PSD3: variants seen among roughly 807,000 people sequenced by gnomAD.
PSD3 encodes pleckstrin and Sec7 domain containing 3, also known as PH and SEC7 domain-containing protein 3.
PSD3 carries 49 observed loss-of-function variants against 105.5 expected under a neutral mutation model. The ratio of observed to expected loss-of-function variants is 0.46; its 90% CI spans 0.37 to 0.59. The LOEUF is 0.59. Ranked by LOEUF, PSD3 falls within the 20% of genes least tolerant of loss-of-function variation. PSD3 has a pLI of 0.00. For missense variants in PSD3, 1,561 were observed against 1,263.8 expected, an observed-to-expected ratio of 1.24 and a Z score of -3.57; for synonymous variants, 557 against 457.8, an observed-to-expected ratio of 1.22 and a Z score of -2.77.
In PSD3 at chr8:18,652,885, T is replaced by C. The variant is rs762800588; in HGVS notation, c.2216+2757A>G. 3.2e-4 allele frequency among the ~76,000 whole-genome samples: 49 copies of C among 152,168 alleles called. 1 individual carries two copies. The highest frequency in any genetic ancestry group is 1.2e-4 in the Non-Finnish European group (8 of 68,040). On this transcript the variant is annotated intron_variant, in intron 10 of 15. Coordinates refer to ENST00000327040, the MANE Select transcript of PSD3 (RefSeq NM_015310.4). ...TCTAAATAAAAAGCACCAGTTTTAG[T>C]AGATGTTAAAAGGTGCTTTAAGACA...
intron 12 of PSD3, among the ~76,000 whole-genome samples, chr8:18,596,481 A>T (rs1009435913): frequency 2.0e-5 from 3 of 152,008 alleles, no homozygotes; most frequent in African/African-American, 7.2e-5. Context: ...GAGAAATGAA[A>T]ATCTAATCAA....
chr8:18,578,064 T>C (rs1802570621), intron 12 of PSD3, among the ~76,000 whole-genome samples: 1 of 152,108 alleles, frequency 6.6e-6, no homozygotes, highest in Non-Finnish European at 1.5e-5. Flanking sequence ...TGTCTGGAGA[T>C]GCTATTCTAC....
chr8:18,750,735 C>G (rs1468347334), intron 9 of PSD3, among the ~76,000 whole-genome samples: 1 of 151,998 alleles, frequency 6.6e-6, no homozygotes, highest in South Asian at 2.1e-4. Context: ...AGGTTCTCCA[C>G]GTCCCCATCA....
At chr8:18,710,374 G>C (rs1802177838) in intron 9 of PSD3, among the ~76,000 whole-genome samples, 1 of 152,094 alleles carries the variant, frequency 6.6e-6, no homozygotes, top group South Asian at 2.1e-4. Context: ...ACTGATTGGG[G>C]TACCTGAAAG....
intron 1 of PSD3, among the ~76,000 whole-genome samples, chr8:19,081,097 A>T (rs561219463): frequency 5.3e-5 from 8 of 152,138 alleles, no homozygotes; most frequent in African/African-American, 1.9e-4. Context: ...GGCCTGGGAG[A>T]TGGTTAGGGC....
At chr8:18,819,599 G>C (rs1334108152) in intron 4 of PSD3, among the ~76,000 whole-genome samples, 2 of 35,030 alleles carry the variant, frequency 5.7e-5, no homozygotes, top group Non-Finnish European at 1.1e-4. Context: ...TTTTTTTTGA[G>C]ATGGAGTCTC....
intron 1 of PSD3, among the ~76,000 whole-genome samples, chr8:19,069,699 G>C (rs1829190690): frequency 6.6e-6 from 1 of 152,142 alleles, no homozygotes; most frequent in Admixed American, 6.5e-5. Context: ...CAACTAAAGA[G>C]TACAAAGAAA....
chr8:18,866,399 C>T (rs1816935232), intron 4 of PSD3, among the ~76,000 whole-genome samples: 1 of 152,192 alleles, frequency 6.6e-6, no homozygotes, highest in African/African-American at 2.4e-5. Context: ...CTGCTTTGTA[C>T]CATGTCCTGT....
chr8:18,770,311 T>C (rs1039107323), intron 8 of PSD3, among the ~76,000 whole-genome samples: 3 of 152,238 alleles, frequency 2.0e-5, no homozygotes, highest in Non-Finnish European at 4.4e-5. Flanking sequence ...TCCCTTCTTA[T>C]TGGAATATTT....
chr8:18,853,256 G>A (rs1815737349), intron 4 of PSD3, among the ~76,000 whole-genome samples: 1 of 152,170 alleles, frequency 6.6e-6, no homozygotes, highest in African/African-American at 2.4e-5. Flanking sequence ...ACAATCCATA[G>A]TCAAGGCAAG....
chr8:18,741,991 T>A (rs1379641811), intron 9 of PSD3, among the ~76,000 whole-genome samples: 2 of 152,098 alleles, frequency 1.3e-5, no homozygotes, highest in Non-Finnish European at 2.9e-5. Context: ...GAAACCAGGA[T>A]GAAAAATGTA....
chr8:18,662,891 G>A (rs118050607), intron 9 of PSD3, among the ~76,000 whole-genome samples: 4 of 152,046 alleles, frequency 2.6e-5, no homozygotes, highest in South Asian at 4.1e-4. Flanking sequence ...GCAAATGAAC[G>A]AACAAGAATA....
chr8:18,988,100 T>C (rs534391632), intron 1 of PSD3, among the ~76,000 whole-genome samples: 2 of 122,704 alleles, frequency 1.6e-5, no homozygotes, highest in Admixed American at 7.6e-5. Context: ...TTAGAAAAAA[T>C]AAATAAATAA....
At chr8:18,775,515 C>CT (rs980003166) in intron 8 of PSD3, among the ~76,000 whole-genome samples, 4 of 152,064 alleles carry the variant, frequency 2.6e-5, no homozygotes, top group African/African-American at 9.7e-5. Context: ...TGTTTATTGT[C>CT]TTTTTGATAA....
intron 1 of PSD3, chr8:18,989,459 A>G (rs745734540): frequency 5.9e-5 from 9 of 152,262 alleles, no homozygotes; most frequent in Admixed American, 4.6e-4. Context: ...GTAGAAGAGC[A>G]TCAAAGAAAA....
intron 1 of PSD3, among the ~76,000 whole-genome samples, chr8:18,973,097 C>A (rs1007189155): frequency 6.6e-6 from 1 of 152,206 alleles, no homozygotes; most frequent in African/African-American, 2.4e-5. Context: ...TGCGATTCCA[C>A]TGTAAGGGCA....
chr8:18,935,903 T>C lies in PSD3; in HGVS notation c.130+131A>G, dbSNP rs560474820. ...CGGATTCTACATCTTGGGAAGATTG[T>C]TTTGATGAATAATTAGGGAAAGCAG... On this transcript the variant is annotated intron_variant, in intron 2 of 15. Coordinates refer to ENST00000327040, the MANE Select transcript of PSD3 (RefSeq NM_015310.4). 8.8e-5 allele frequency: 52 copies of C among 588,610 alleles called. No individual in the cohort carries two copies. The South Asian group carries it at 1.4e-3, about 16-fold the overall frequency. The allele number at this position is 588,610 out of a possible 1,614,324, so 36.5% of individuals were successfully genotyped here.
intron 1 of PSD3, among the ~76,000 whole-genome samples, chr8:19,040,695 G>A (rs751035752): frequency 1.6e-4 from 25 of 152,200 alleles, no homozygotes; most frequent in Non-Finnish European, 3.2e-4. Context: ...CCAGGTGAGA[G>A]ATCACAGTGG....
chr8:18,906,592 T>G (rs1351295537), intron 2 of PSD3, among the ~76,000 whole-genome samples: 3 of 152,208 alleles, frequency 2.0e-5, no homozygotes, highest in African/African-American at 7.2e-5. Flanking sequence ...AGGGACAATA[T>G]ATATGATCTT....
Sources: allele counts gnomAD v4.1 joint callset (sites outside exome capture counted in the v4.1 genomes callset), GRCh38; gene constraint gnomAD v4.1.1; transcripts MANE v1.5; gene names NCBI Gene and HGNC (gene_info 2026-07-23, HGNC 2026-07-21).